The following YTHDC2 variants were observed in gnomAD, a reference collection of about 807,000 sequenced individuals.
YTHDC2 encodes 3'-5' RNA helicase YTHDC2.
In YTHDC2, 45 loss-of-function variants were observed where a neutral mutation model predicts 174.9. That is an observed-to-expected ratio of 0.26 (90% CI 0.20 to 0.33). The LOEUF (loss-of-function observed/expected upper bound fraction) is 0.33, where lower values mean the gene tolerates loss of function less well. Among genes scored for constraint, YTHDC2 ranks in the 10% least tolerant of loss-of-function variants. The pLI is 1.00. For synonymous variants in YTHDC2, 657 were observed against 574.5 expected, an observed-to-expected ratio of 1.14 and a Z score of -2.05; for missense variants, 1,650 against 1,723.7, an observed-to-expected ratio of 0.96 and a Z score of 0.76.
At chr5:113,536,070 T>C (rs1483759503) in intron 7 of YTHDC2, among the ~76,000 whole-genome samples, 1 of 152,236 alleles carries the variant, frequency 6.6e-6, no homozygotes, top group East Asian at 1.9e-4. Flanking sequence ...GTCCTATAAC[T>C]ATTTCCCTTT....
At chr5:113,547,970 T>C (rs1407875537) in intron 10 of YTHDC2, among the ~76,000 whole-genome samples, 2 of 152,182 alleles carry the variant, frequency 1.3e-5, no homozygotes, top group Non-Finnish European at 2.9e-5. Flanking sequence ...AATAGAACTT[T>C]AATTATTTTT....
chr5:113,529,976 A>C (rs1382885131), intron 4 of YTHDC2, among the ~76,000 whole-genome samples: 2 of 152,010 alleles, frequency 1.3e-5, no homozygotes, highest in African/African-American at 4.8e-5. Flanking sequence ...CCCAGGCTGG[A>C]GTGCAGTGGC....
At chr5:113,524,948 T>C (rs545387207) in intron 2 of YTHDC2, 33 bp from the exon 3 acceptor site, 1 of 1,475,010 alleles carries the variant, frequency 6.8e-7, no homozygotes, top group Admixed American at 2.2e-5. Flanking sequence ...GTTGACTTTA[T>C]ATAGTAAATA....
intron 2 of YTHDC2, among the ~76,000 whole-genome samples, chr5:113,519,018 A>G (rs1264210081): frequency 6.7e-6 from 1 of 150,068 alleles, no homozygotes; most frequent in East Asian, 1.9e-4. Context: ...ACAGGCATGC[A>G]CCACCATGCC....
Position 113,535,714 on chromosome 5 carries a change from C to T in YTHDC2, c.1018C>T (p.Pro340Ser), listed in dbSNP as rs1177397145. Reference protein sequence around the residue: ...TKLRDLLQKHPTLKLILSSAA... With the variant: ...TKLRDLLQKHSTLKLILSSAA... Reference sequence around the variant, plus strand: ...GTTAAGAGATTTGTTGCAAAAGCACCCAACTTTGAAACTAATTCTTTCTAG... The same window carrying T: ...GTTAAGAGATTTGTTGCAAAAGCACTCAACTTTGAAACTAATTCTTTCTAG... The change falls in exon 7 of 30, where the codon CCA becomes TCA. Residue 340 changes from proline to serine, a missense_variant. Physicochemically the swap from Pro to Ser is moderately conservative, Grantham distance 74. Transcript: ENST00000161863. 5.0e-6 allele frequency: 8 copies of T among 1,613,100 alleles called. No homozygotes were observed. Among genetic ancestry groups the T allele is most frequent in the Non-Finnish European group, 5.1e-6 (6 of 1,179,600 alleles).
chr5:113,563,150 A>G (rs879177746), intron 18 of YTHDC2, among the ~76,000 whole-genome samples: 3 of 151,988 alleles, frequency 2.0e-5, no homozygotes, highest in Non-Finnish European at 4.4e-5. Context: ...AGCAATGGCA[A>G]TCTTGGTATA....
At chr5:113,578,736 T>C (rs936922472) in intron 23 of YTHDC2, among the ~76,000 whole-genome samples, 1 of 152,196 alleles carries the variant, frequency 6.6e-6, no homozygotes, top group African/African-American at 2.4e-5. Flanking sequence ...ATGGTCATTA[T>C]TTGATTCCAT....
Position 113,592,187 on chromosome 5 carries a change from TG to T in YTHDC2, c.4212+11del. ...TAAGCAGGGATGGGCAGGTATACAATGGCATTTTTTTTTTTATTTACTTTTG... is the reference window on the plus strand; with the variant it reads ...TAAGCAGGGATGGGCAGGTATACAATGCATTTTTTTTTTTATTTACTTTTG... On this transcript the variant is annotated intron_variant, in intron 28 of 29. Coordinates refer to ENST00000161863, the MANE Select transcript of YTHDC2 (RefSeq NM_022828.5). 1.3e-6 allele frequency: 2 copies of T among 1,547,292 alleles called. No homozygotes were observed. The highest frequency in any genetic ancestry group is 1.7e-6 in the Non-Finnish European group (2 of 1,160,088).
chr5:113,582,784 C>T (rs945160198), intron 25 of YTHDC2: 1 of 151,836 alleles, frequency 6.6e-6, no homozygotes, highest in East Asian at 1.9e-4. Flanking sequence ...ATCATTTAAG[C>T]CTTTAAAGAG....
rs761761500 is a variant in YTHDC2, at chr5:113,553,795, A to G, written c.1993A>G (p.Met665Val). The part of the protein sequence containing the change: ...RYQVFMLHSN[M>V]QTSDQKKVLK... ...CCAAGTCTTTATGCTTCATTCAAAT[A>G]TGCAAACATCCGATCAAAAGAAAGT... Residue 665 changes from methionine to valine, a missense_variant, in exon 15 of 30, where the codon ATG becomes GTG. By Grantham distance (21) the Met-to-Val change is conservative. This residue lies in a region of YTHDC2 where 913 missense variants were observed against 940.4 expected (regional missense o/e 0.97). Coordinates refer to ENST00000161863, the MANE Select transcript of YTHDC2 (RefSeq NM_022828.5). The G allele has an allele frequency of 3.1e-6, 5 of 1,612,766 alleles. No individual in the cohort carries two copies. The South Asian group carries it at 4.4e-5, about 14-fold the overall frequency.
Position 113,556,125 on chromosome 5 carries a change from G to A in YTHDC2, c.2207G>A (p.Arg736Gln). The A allele has an allele frequency of 2.5e-6, 4 of 1,600,594 alleles. No homozygotes were observed. Among genetic ancestry groups the A allele is most frequent in the Non-Finnish European group, 3.4e-6 (4 of 1,169,800 alleles). Residue 736 changes from arginine (R) to glutamine (Q), a missense_variant, in exon 17 of 30, where the codon CGG becomes CAG. This residue lies in a region of YTHDC2 where 913 missense variants were observed against 940.4 expected (regional missense o/e 0.97). Transcript: ENST00000161863. Reference protein sequence around the residue: ...VWISKASAIQRKGRAGRCRPG... With the variant: ...VWISKASAIQQKGRAGRCRPG... ...ATTTCCAAAGCTAGTGCCATACAGC[G>A]GAAAGGCAGGTAATGTATATTTAAT...
At chr5:113,525,529 G>A (rs1774155105) in intron 3 of YTHDC2, among the ~76,000 whole-genome samples, 1 of 152,078 alleles carries the variant, frequency 6.6e-6, no homozygotes, top group East Asian at 1.9e-4. Flanking sequence ...GAGGCTTAGA[G>A]GAATTAAATA....
chr5:113,523,488 C>T (rs188566526), intron 2 of YTHDC2, among the ~76,000 whole-genome samples: 22 of 151,878 alleles, frequency 1.4e-4, no homozygotes, highest in Admixed American at 1.1e-3. Context: ...CAGAAAGGTC[C>T]GTGGGAAAAG....
At chr5:113,555,303 C>G (rs1044262673) in intron 16 of YTHDC2, among the ~76,000 whole-genome samples, 2 of 150,494 alleles carry the variant, frequency 1.3e-5, no homozygotes, top group Non-Finnish European at 3.0e-5. Flanking sequence ...ACCAAATAAG[C>G]TGTTTTCTAA....
At chr5:113,585,684 A>G (rs943535742) in intron 26 of YTHDC2, among the ~76,000 whole-genome samples, 1 of 151,430 alleles carries the variant, frequency 6.6e-6, no homozygotes, top group South Asian at 2.1e-4. Flanking sequence ...AATCATATAT[A>G]TGTAACGTTT....
At chr5:113,555,526 G>C (rs917205435) in intron 16 of YTHDC2, among the ~76,000 whole-genome samples, 5 of 152,056 alleles carry the variant, frequency 3.3e-5, no homozygotes, top group Admixed American at 3.3e-4. Context: ...TGTAACGTTC[G>C]GGAAAGGCTA....
chr5:113,548,696 A>G (rs1483997510), intron 11 of YTHDC2, 29 bp downstream of exon 11: 3 of 1,586,248 alleles, frequency 1.9e-6, no homozygotes, highest in East Asian at 2.3e-5. Flanking sequence ...GATTCTTCAT[A>G]TATCTTTGTA....
chr5:113,529,734 T>C (rs1774524545), intron 4 of YTHDC2, among the ~76,000 whole-genome samples: 2 of 152,172 alleles, frequency 1.3e-5, no homozygotes, highest in African/African-American at 4.8e-5. Flanking sequence ...TTATATATTA[T>C]AGATGCATGT....
chr5:113,589,021 T>C (rs1317263621), intron 26 of YTHDC2, among the ~76,000 whole-genome samples: 2 of 152,208 alleles, frequency 1.3e-5, no homozygotes, highest in Non-Finnish European at 2.9e-5. Context: ...GTTTTTACTT[T>C]ACATAGTCAG....
Sources: gnomAD v4.1 joint callset for allele counts (sites outside exome capture counted in the v4.1 genomes callset) on GRCh38, gnomAD v4.1.1 for gene constraint, gnomAD v4.1.1 regional missense constraint, MANE v1.5 for transcripts, NCBI Gene and HGNC (gene_info 2026-07-23, HGNC 2026-07-21) for gene names.